DOK5: variants seen among roughly 807,000 people sequenced by gnomAD.
DOK5 encodes downstream of tyrosine kinase 5.
A neutral mutation model predicts 43.3 loss-of-function variants in DOK5; 27 were observed. That is an observed-to-expected ratio of 0.62 (90% CI 0.46 to 0.86). DOK5 has a LOEUF of 0.86. DOK5 is among the 40% of genes least tolerant of loss of function. DOK5 has a pLI of 0.00. For synonymous variants in DOK5, 146 were observed against 140.1 expected (o/e 1.04, Z -0.30); for missense variants, 373 against 392.9 (o/e 0.95, Z 0.43).
chr20:54,628,408 C>CAAAAAAAAAAAAA (rs56730310), intron 6 of DOK5, among the ~76,000 whole-genome samples: 2 of 23,452 alleles, frequency 8.5e-5, no homozygotes, highest in African/African-American at 2.7e-4. Context: ...GACTCCGTCT[C>CAAAAAAAAAAAAA]AAAAAAAAAA....
intron 5 of DOK5, among the ~76,000 whole-genome samples, chr20:54,608,361 T>C (rs955424146): frequency 6.6e-6 from 1 of 152,224 alleles, no homozygotes; most frequent in Non-Finnish European, 1.5e-5. Flanking sequence ...GACAAATTAA[T>C]ATTTCCTAAT....
intron 1 of DOK5, among the ~76,000 whole-genome samples, chr20:54,545,554 T>C (rs1180558824): frequency 1.3e-5 from 2 of 152,146 alleles, no homozygotes; most frequent in African/African-American, 2.4e-5. Context: ...AGGCTGAGAG[T>C]TAGAGAAGCA....
chr20:54,499,116 A>C (rs932736789), intron 1 of DOK5, among the ~76,000 whole-genome samples: 1 of 152,230 alleles, frequency 6.6e-6, no homozygotes, highest in South Asian at 2.1e-4. Flanking sequence ...AGATGAACCT[A>C]GAATTTGAAC....
At chr20:54,547,092 G>A (rs572704517) in intron 1 of DOK5, among the ~76,000 whole-genome samples, 1 of 152,174 alleles carries the variant, frequency 6.6e-6, no homozygotes, top group Non-Finnish European at 1.5e-5. Context: ...CCAGAGGTTG[G>A]CAAACTATGG....
intron 6 of DOK5, among the ~76,000 whole-genome samples, chr20:54,642,985 CAT>C (rs1979196646): frequency 6.6e-6 from 1 of 152,230 alleles, no homozygotes; most frequent in Non-Finnish European, 1.5e-5. Context: ...TCATTCAACA[CAT>C]GTTACTTGTA....
intron 6 of DOK5, among the ~76,000 whole-genome samples, chr20:54,628,003 C>T (rs1437404372): frequency 5.9e-5 from 9 of 152,148 alleles, no homozygotes; most frequent in Non-Finnish European, 2.9e-5. Context: ...CATGATACAA[C>T]GGTTCACAGT....
At chr20:54,530,412 C>T (rs1402162827) in intron 1 of DOK5, among the ~76,000 whole-genome samples, 4 of 152,160 alleles carry the variant, frequency 2.6e-5, no homozygotes, top group Admixed American at 2.6e-4. Context: ...CCAACCCTAC[C>T]CTTGTCTTGA....
Position 54,610,447 on chromosome 20 carries a change from A to G in DOK5, c.659A>G (p.Tyr220Cys), listed in dbSNP as rs1160393784. The change falls in exon 6 of 8, where the codon TAT (tyrosine) becomes TGT (cysteine). Residue 220 changes from tyrosine (Y) to cysteine (C), a missense_variant. Tyr to Cys is a radical substitution (Grantham distance 194). Transcript: ENST00000262593. The stretch of plus-strand genomic sequence containing the variant: ...CAGACCCGAGACGGGGAGGCCATCT[A>G]TCAGAAAGTCCACTCTGCTGCCTTG... ...IFQTRDGEAI[Y>C]QKVHSAALAI... is the part of the protein sequence containing the mutation. 8 of 1,598,184 alleles carry G rather than the reference A, an allele frequency of 5.0e-6. No homozygotes were observed. The highest frequency in any genetic ancestry group is 2.3e-5 in the East Asian group (1 of 43,916).
At chr20:54,515,669 C>T (rs544720260) in intron 1 of DOK5, among the ~76,000 whole-genome samples, 19 of 152,326 alleles carry the variant, frequency 1.2e-4, no homozygotes, top group South Asian at 8.3e-4. Context: ...CTTGTGTTCT[C>T]TCTTGATTAA....
intron 6 of DOK5, among the ~76,000 whole-genome samples, chr20:54,612,146 A>G (rs1986670481): frequency 6.6e-6 from 1 of 152,228 alleles, no homozygotes; most frequent in African/African-American, 2.4e-5. Flanking sequence ...CTCAACCATT[A>G]AAAAGTGCAG....
At chr20:54,631,347 C>T (rs1415634570) in intron 6 of DOK5, among the ~76,000 whole-genome samples, 1 of 151,750 alleles carries the variant, frequency 6.6e-6, no homozygotes, top group African/African-American at 2.4e-5. Flanking sequence ...GCCCAAGAGA[C>T]TGAGGCTGCA....
At chr20:54,613,223 C>CCTCTCTCTCTCTCTCGCCAT (rs961524521) in intron 6 of DOK5, among the ~76,000 whole-genome samples, 2 of 149,074 alleles carry the variant, frequency 1.3e-5, no homozygotes, top group East Asian at 3.9e-4. Context: ...TCTCTCGTCA[C>CCTCTCTCTCTCTCTCGCCAT]CTCTCTCTCT....
intron 2 of DOK5, 127 bp from the exon 3 acceptor site, chr20:54,588,356 G>T (rs1351111070): frequency 4.2e-6 from 3 of 708,688 alleles, no homozygotes; most frequent in African/African-American, 1.8e-5. Context: ...TTCAGATGTA[G>T]ATACTTTTTC....
At chr20:54,547,246 G>A (rs755318681) in intron 1 of DOK5, among the ~76,000 whole-genome samples, 19 of 152,116 alleles carry the variant, frequency 1.2e-4, no homozygotes, top group Non-Finnish European at 2.2e-4. Flanking sequence ...CGACCTGGGG[G>A]CTCTCAAAGA....
intron 5 of DOK5, among the ~76,000 whole-genome samples, chr20:54,603,938 G>GCA (rs1300938506): frequency 1.7e-5 from 2 of 114,466 alleles, no homozygotes; most frequent in African/African-American, 3.9e-5. Context: ...TGTTCAAACT[G>GCA]TATTTTTTTT....
At chr20:54,534,327 A>G (rs539563341) in intron 1 of DOK5, among the ~76,000 whole-genome samples, 1 of 152,296 alleles carries the variant, frequency 6.6e-6, no homozygotes, top group African/African-American at 2.4e-5. Context: ...AGCTGAGACT[A>G]CAGGCGCACG....
chr20:54,650,034 C>T (rs888202388), intron 7 of DOK5, among the ~76,000 whole-genome samples: 2 of 152,202 alleles, frequency 1.3e-5, no homozygotes, highest in Non-Finnish European at 2.9e-5. Flanking sequence ...TTAACATTTA[C>T]AAGATTACCA....
intron 2 of DOK5, among the ~76,000 whole-genome samples, chr20:54,579,755 A>G (rs2146757043): frequency 6.6e-6 from 1 of 152,228 alleles, no homozygotes; most frequent in East Asian, 1.9e-4. Context: ...GGGTGGGATA[A>G]TAGTATATGG....
Position 54,476,009 on chromosome 20 carries a change from C to T in DOK5, c.63C>T (p.Leu21=). 6.2e-7 allele frequency: 1 copy of T among 1,613,314 alleles called. No homozygotes were observed. The highest frequency in any genetic ancestry group is 1.7e-4 in the Middle Eastern group (1 of 6,048). Reference sequence around the variant, plus strand: ...ACGTGAGGATCCGGAGCAGACGCCTCGGGGTGAGTATCGATCCTCTCCGTG... The same window carrying T: ...ACGTGAGGATCCGGAGCAGACGCCTTGGGGTGAGTATCGATCCTCTCCGTG... The part of the protein sequence containing the change: ...QGYVRIRSRR[L]GIYQRCWLVF... Residue 21 remains leucine, a synonymous_variant, in exon 1 of 8, where the codon CTC becomes CTT. Transcript: ENST00000262593.
Sources: allele counts gnomAD v4.1 joint callset (sites outside exome capture counted in the v4.1 genomes callset), GRCh38; gene constraint gnomAD v4.1.1; transcripts MANE v1.5; gene names NCBI Gene and HGNC (gene_info 2026-07-23, HGNC 2026-07-21).